Variants in DLG5 observed in about 807,000 individuals in gnomAD.
DLG5 encodes discs large MAGUK scaffold protein 5.
DLG5 carries 48 observed loss-of-function variants against 189.8 expected under a neutral mutation model. That is an observed-to-expected ratio of 0.25 (90% CI 0.20 to 0.32). The LOEUF (loss-of-function observed/expected upper bound fraction) is 0.32, where lower values mean the gene tolerates loss of function less well. Among genes scored for constraint, DLG5 ranks in the 10% least tolerant of loss-of-function variants. The pLI is 1.00. For missense variants in DLG5, 2,160 were observed against 2,544.7 expected (o/e 0.85, Z 3.25); for synonymous variants, 1,016 against 1,054.1 (o/e 0.96, Z 0.70).
At chr10:77,933,490 C>T in the DLG5 span, among the ~76,000 whole-genome samples, 1 of 152,014 alleles carries the variant, frequency 6.6e-6, no homozygotes, top group East Asian at 1.9e-4. Flanking sequence ...GATGGGGTTT[C>T]ACCATGTTGG....
chr10:77,896,608 A>AGG (rs373506579), intron 1 of DLG5, among the ~76,000 whole-genome samples: 10 of 152,078 alleles, frequency 6.6e-5, no homozygotes, highest in Admixed American at 6.6e-4. Flanking sequence ...TGGGAGGCCA[A>AGG]GGGGGGGTGG....
chr10:77,807,503 C>T (rs1388252581), intron 25 of DLG5, among the ~76,000 whole-genome samples: 1 of 152,130 alleles, frequency 6.6e-6, no homozygotes, highest in African/African-American at 2.4e-5. Flanking sequence ...GCTTGGGGGA[C>T]ACCAGAAAAA....
intron 7 of DLG5, among the ~76,000 whole-genome samples, chr10:77,838,460 G>A (rs1407103152): frequency 1.3e-5 from 2 of 152,290 alleles, no homozygotes; most frequent in African/African-American, 2.4e-5. Flanking sequence ...TCCCCTGGGA[G>A]CTGGGAAGAA....
In DLG5 at chr10:77,819,877, C is replaced by T. The variant is rs1181750571; in HGVS notation, c.3526+18G>A. 8 of 1,540,270 alleles carry T rather than the reference C, an allele frequency of 5.2e-6. No individual in the cohort carries two copies. The highest frequency in any genetic ancestry group is 4.6e-5 in the East Asian group (2 of 43,728). On this transcript the variant is annotated intron_variant, in intron 16 of 31. Coordinates refer to ENST00000372391, the MANE Select transcript of DLG5 (RefSeq NM_004747.4). ...TTTACACCGACCCTCAGCCCCAGCC[C>T]CTGGCTGGCTGACTCACCCACAGAC...
chr10:77,814,270 G>A (rs1033980295), intron 20 of DLG5, among the ~76,000 whole-genome samples: 1 of 151,882 alleles, frequency 6.6e-6, no homozygotes, highest in Non-Finnish European at 1.5e-5. Context: ...AGGCTACCGC[G>A]CCCAGCCAGA....
At chr10:77,851,172 A>G (rs1332331596) in intron 5 of DLG5, among the ~76,000 whole-genome samples, 2 of 152,202 alleles carry the variant, frequency 1.3e-5, no homozygotes, top group Non-Finnish European at 2.9e-5. Flanking sequence ...TTGTTTTGAC[A>G]CAGCACCGCC....
intron 5 of DLG5, among the ~76,000 whole-genome samples, chr10:77,845,960 C>G (rs991006173): frequency 2.2e-5 from 3 of 137,006 alleles, no homozygotes; most frequent in Admixed American, 7.3e-5. Flanking sequence ...AAAAAAAAGC[C>G]CTGGCCAGGC....
intron 22 of DLG5, 79 bp downstream of exon 22, chr10:77,811,845 T>G: frequency 6.8e-7 from 1 of 1,480,212 alleles, no homozygotes. Context: ...GCACCCTGGG[T>G]CTCCCTAAAA....
intron 1 of DLG5, among the ~76,000 whole-genome samples, chr10:77,916,369 C>T (rs1221256706): frequency 6.6e-6 from 1 of 152,086 alleles, no homozygotes. Flanking sequence ...CAGCTAACTG[C>T]AGCCTCTGCC....
At chr10:77,833,203 C>T (rs1280187180) in intron 9 of DLG5, among the ~76,000 whole-genome samples, 3 of 152,144 alleles carry the variant, frequency 2.0e-5, no homozygotes, top group African/African-American at 7.2e-5. Flanking sequence ...CAATGCACTA[C>T]TAAAGGCCAC....
intron 1 of DLG5, among the ~76,000 whole-genome samples, chr10:77,878,828 C>T (rs1378001374): frequency 3.3e-5 from 5 of 152,198 alleles, no homozygotes; most frequent in African/African-American, 1.2e-4. Context: ...TCATACCAGG[C>T]TTGCACCTCC....
Position 77,796,262 on chromosome 10 carries a change from C to T in DLG5, c.5309-74G>A, listed in dbSNP as rs868820881. The T allele has an allele frequency of 1.4e-4, 229 of 1,609,392 alleles. No individual in the cohort carries two copies. The highest frequency in any genetic ancestry group is 1.3e-3 in the Middle Eastern group (7 of 5,532). Reference sequence around the variant, plus strand: ...CCCAGCAGAGGGAGCAGGGGAAGAACACTGCTCAGCAGCTGTCAGTAACCC... The same window carrying T: ...CCCAGCAGAGGGAGCAGGGGAAGAATACTGCTCAGCAGCTGTCAGTAACCC... On this transcript the variant is annotated intron_variant, in intron 28 of 31. Coordinates refer to ENST00000372391, the MANE Select transcript of DLG5 (RefSeq NM_004747.4). The surrounding 1 kb of genome is among the most constrained non-coding windows in gnomAD (Gnocchi z 5.2).
chr10:77,864,268 A>G (rs893468010), intron 2 of DLG5, among the ~76,000 whole-genome samples: 1 of 152,206 alleles, frequency 6.6e-6, no homozygotes, highest in African/African-American at 2.4e-5. Context: ...CTTTGCTTCC[A>G]GGCCCTGTAT....
chr10:77,879,918 C>T (rs888400972), intron 1 of DLG5, among the ~76,000 whole-genome samples: 4 of 151,766 alleles, frequency 2.6e-5, no homozygotes, highest in Non-Finnish European at 4.4e-5. Flanking sequence ...ATGTACAGGC[C>T]TCAAGTTCAC....
At chr10:77,800,899 AC>A (rs1040639391) in intron 27 of DLG5, among the ~76,000 whole-genome samples, 15 of 152,016 alleles carry the variant, frequency 9.9e-5, no homozygotes, top group African/African-American at 3.4e-4. Context: ...CTGGTGGGCC[AC>A]CCCCTAGGGT....
At chr10:77,893,064 C>T (rs1033626405) in intron 1 of DLG5, among the ~76,000 whole-genome samples, 1 of 152,242 alleles carries the variant, frequency 6.6e-6, no homozygotes, top group African/African-American at 2.4e-5. Context: ...TTGGCATTGG[C>T]GTGCTAGCCA....
intron 1 of DLG5, among the ~76,000 whole-genome samples, chr10:77,908,017 C>G (rs1846114355): frequency 6.6e-6 from 1 of 152,170 alleles, no homozygotes; most frequent in African/African-American, 2.4e-5. Context: ...CTGCAGCAGC[C>G]ACCTACCTTT....
upstream of DLG5, chr10:77,928,293 T>G (rs1265722860): frequency 6.6e-6 from 1 of 152,230 alleles, no homozygotes; most frequent in Non-Finnish European, 1.5e-5. Context: ...TGATCTCAAC[T>G]TTTTTGTGAA....
chr10:77,898,124 C>G (rs1845818567), intron 1 of DLG5, among the ~76,000 whole-genome samples: 1 of 152,240 alleles, frequency 6.6e-6, no homozygotes, highest in Non-Finnish European at 1.5e-5. Context: ...GGAGCCAGAA[C>G]AGCCTTCTCC....
Sources: gnomAD v4.1 joint callset for allele counts (sites outside exome capture counted in the v4.1 genomes callset) on GRCh38, gnomAD v4.1.1 for gene constraint, Gnocchi (gnomAD v3.1) non-coding constraint, MANE v1.5 for transcripts, NCBI Gene and HGNC (gene_info 2026-07-23, HGNC 2026-07-21) for gene names.